GLDC: variants seen among roughly 807,000 people sequenced by gnomAD.
The protein encoded by GLDC is glycine dehydrogenase (decarboxylating), mitochondrial.
GLDC carries 104 observed loss-of-function variants against 121.3 expected under a neutral mutation model. That is an observed-to-expected ratio of 0.86 (90% confidence interval 0.73 to 1.01). GLDC has a LOEUF of 1.01. Among genes scored for constraint, GLDC ranks in the 50% least tolerant of loss-of-function variants. GLDC has a pLI of 0.00. For missense variants in GLDC, 1,429 were observed against 1,306.6 expected (o/e 1.09, Z -1.44); for synonymous variants, 546 against 480.6 (o/e 1.14, Z -1.78).
chr9:6,604,599 C>T lies in GLDC; in HGVS notation c.1047G>A (p.Val349=). The T allele has an allele frequency of 1.2e-6, 2 of 1,612,228 alleles. No homozygotes were observed. Among genetic ancestry groups the T allele is most frequent in the African/African-American group, 1.3e-5 (1 of 75,006 alleles). Residue 349 remains valine, a synonymous_variant, in exon 7 of 25, where the codon GTG becomes GTA. Transcript: ENST00000321612. ...ATGAGCCCCTTTACCTTGTTACCCCCACCATTCTTCCAGGCATCATTCTCA... is the reference window on the plus strand; with the variant it reads ...ATGAGCCCCTTTACCTTGTTACCCCTACCATTCTTCCAGGCATCATTCTCA... ...SLVRMMPGRM[V]GVTRDATGKE... is the part of the protein sequence containing the mutation.
chr9:6,593,120 G>A, intron 9 of GLDC, 130 bp from the exon 10 acceptor site: 1 of 898,432 alleles, frequency 1.1e-6, no homozygotes, highest in South Asian at 1.5e-5. Context: ...TTTGGTGATT[G>A]CTTTTTAAAA....
chr9:6,548,822 T>C (rs1361022703), intron 21 of GLDC, among the ~76,000 whole-genome samples: 3 of 152,134 alleles, frequency 2.0e-5, no homozygotes, highest in African/African-American at 7.2e-5. Flanking sequence ...GTGACTTTGT[T>C]CCCCCATCTG....
chr9:6,631,494 G>T (rs1454197802), intron 2 of GLDC, among the ~76,000 whole-genome samples: 1 of 152,198 alleles, frequency 6.6e-6, no homozygotes, highest in Admixed American at 6.5e-5. Context: ...TCCTGTGGGA[G>T]GCCCCTTTTC....
intron 15 of GLDC, among the ~76,000 whole-genome samples, chr9:6,578,169 G>C (rs1818110004): frequency 6.6e-6 from 1 of 151,826 alleles, no homozygotes; most frequent in Non-Finnish European, 1.5e-5. Context: ...GTCACAGGCT[G>C]GGGTGCAATG....
At chr9:6,610,603 T>C (rs1818832495) in intron 3 of GLDC, among the ~76,000 whole-genome samples, 1 of 152,190 alleles carries the variant, frequency 6.6e-6, no homozygotes, top group South Asian at 2.1e-4. Flanking sequence ...TTTTTGTTTT[T>C]TGTTTGTTGG....
chr9:6,554,316 T>G (rs77169392), intron 19 of GLDC, among the ~76,000 whole-genome samples: 1 of 151,850 alleles, frequency 6.6e-6, no homozygotes, highest in Non-Finnish European at 1.5e-5. Flanking sequence ...AAAAAAAAAA[T>G]GCTAGGAAAT....
intron 2 of GLDC, among the ~76,000 whole-genome samples, chr9:6,630,741 G>A (rs1819359004): frequency 6.6e-6 from 1 of 152,158 alleles, no homozygotes; most frequent in Non-Finnish European, 1.5e-5. Context: ...GACCATGAAT[G>A]ACAGCATGGC....
intron 16 of GLDC, among the ~76,000 whole-genome samples, chr9:6,559,943 G>T (rs1817716890): frequency 6.6e-6 from 1 of 152,206 alleles, no homozygotes; most frequent in Non-Finnish European, 1.5e-5. Context: ...CATGGACAAG[G>T]GGATGTAGCT....
chr9:6,574,248 A>G (rs1818019337), intron 15 of GLDC, among the ~76,000 whole-genome samples: 1 of 152,158 alleles, frequency 6.6e-6, no homozygotes, highest in Non-Finnish European at 1.5e-5. Context: ...GAGGCAGATC[A>G]CCTGAGGTCA....
intron 3 of GLDC, among the ~76,000 whole-genome samples, chr9:6,618,274 G>T (rs549838213): frequency 6.6e-6 from 1 of 152,240 alleles, no homozygotes; most frequent in South Asian, 2.1e-4. Flanking sequence ...AAAGAGCCTA[G>T]GAGTCCCCAC....
At chr9:6,632,752 C>T (rs746805451) in intron 2 of GLDC, among the ~76,000 whole-genome samples, 5 of 152,196 alleles carry the variant, frequency 3.3e-5, no homozygotes, top group Non-Finnish European at 7.3e-5. Context: ...GTGGGTGGGG[C>T]TGCCCCACCT....
intron 15 of GLDC, among the ~76,000 whole-genome samples, chr9:6,586,236 G>A (rs1243655060): frequency 2.0e-5 from 3 of 151,990 alleles, no homozygotes; most frequent in Admixed American, 6.6e-5. Context: ...CAGAGGTTGC[G>A]GTGAGCCGAG....
intron 2 of GLDC, among the ~76,000 whole-genome samples, chr9:6,634,855 C>G (rs1178165584): frequency 6.6e-6 from 1 of 152,196 alleles, no homozygotes; most frequent in African/African-American, 2.4e-5. Flanking sequence ...CTCCTCTGAT[C>G]TCAGAGGCAC....
At chr9:6,613,715 C>A (rs1818908169) in intron 3 of GLDC, among the ~76,000 whole-genome samples, 1 of 152,078 alleles carries the variant, frequency 6.6e-6, no homozygotes, top group Admixed American at 6.6e-5. Context: ...AGATCTTTAT[C>A]TTTGTCTAAG....
At chr9:6,540,183 C>A in intron 21 of GLDC, 37 bp from the exon 22 acceptor site, 1 of 1,251,546 alleles carries the variant, frequency 8.0e-7, no homozygotes, top group Non-Finnish European at 1.2e-6. Flanking sequence ...AGATTAGCAT[C>A]AGCTTATTGT....
In GLDC at chr9:6,532,921, C is replaced by G. The variant is rs543333246; in HGVS notation, c.*96G>C. On this transcript the variant is annotated 3_prime_UTR_variant, in exon 25 of 25. Transcript: ENST00000321612. ...GAGATATACACAGTATATAAAACTC[C>G]TACTTGAGGCTGGGGTGGGAGATGA... 4.6e-6 allele frequency: 4 copies of G among 870,450 alleles called. No individual in the cohort carries two copies. The highest frequency in any genetic ancestry group is 7.9e-6 in the Non-Finnish European group (4 of 504,910). The allele number at this position is 870,450 out of a possible 1,614,324, so 53.9% of individuals were successfully genotyped here. A position where few individuals can be genotyped will look rare whatever the true frequency, so the allele number is the denominator to read the frequency against.
At chr9:6,552,905 T>C (rs1228720243) in intron 20 of GLDC, among the ~76,000 whole-genome samples, 4 of 151,794 alleles carry the variant, frequency 2.6e-5, no homozygotes, top group African/African-American at 9.7e-5. Context: ...AGCAAATTTC[T>C]GCTATTTTTC....
At chr9:6,629,833 A>C (rs1225324323) in intron 2 of GLDC, among the ~76,000 whole-genome samples, 1 of 150,224 alleles carries the variant, frequency 6.7e-6, no homozygotes, top group Non-Finnish European at 1.5e-5. Flanking sequence ...TTATATGTGC[A>C]TCTGTTTATA....
Position 6,644,313 on chromosome 9 carries a change from C to G in GLDC, c.334+301G>C, listed in dbSNP as rs77674962. 5.3e-5 allele frequency among the ~76,000 whole-genome samples: 8 copies of G among 151,992 alleles called. No homozygotes were observed. In the East Asian group the frequency reaches 1.6e-3, roughly 30 times the overall value. On this transcript the variant is annotated intron_variant, in intron 2 of 24. Transcript: ENST00000321612. ...ACCCAAAGTATGAGAGCACCCTGGC[C>G]GGTGAGAGGGTGCCTGGGAAGTGGG...
Sources: allele counts gnomAD v4.1 joint callset (sites outside exome capture counted in the v4.1 genomes callset), GRCh38; gene constraint gnomAD v4.1.1; transcripts MANE v1.5; gene names NCBI Gene and HGNC (gene_info 2026-07-23, HGNC 2026-07-21).